Variants in GRIN2A observed in about 807,000 individuals in gnomAD.
GRIN2A encodes glutamate ionotropic receptor NMDA type subunit 2A.
A neutral mutation model predicts 113.4 loss-of-function variants in GRIN2A; 22 were observed. That is an observed-to-expected ratio of 0.19 (90% CI 0.14 to 0.28). The LOEUF is 0.28. Ranked by LOEUF, GRIN2A falls within the 10% of genes least tolerant of loss-of-function variation. GRIN2A has a pLI of 1.00. For synonymous variants in GRIN2A, 827 were observed against 738.4 expected, an observed-to-expected ratio of 1.12 and a Z score of -1.94; for missense variants, 1,502 against 1,887.0, an observed-to-expected ratio of 0.80 and a Z score of 3.78.
chr16:10,052,679 C>A (rs558892683), intron 2 of GRIN2A, among the ~76,000 whole-genome samples: 1 of 152,304 alleles, frequency 6.6e-6, no homozygotes, highest in South Asian at 2.1e-4. Flanking sequence ...AGGCAGGAAG[C>A]TTCAATCACT....
At chr16:10,147,128 C>G (rs1376799960) in intron 2 of GRIN2A, among the ~76,000 whole-genome samples, 2 of 152,032 alleles carry the variant, frequency 1.3e-5, no homozygotes, top group Non-Finnish European at 2.9e-5. Context: ...ATACTTATGG[C>G]ACCCCCTGTG....
At position 9,984,123 on chromosome 16, in the gene GRIN2A, T is replaced by C. The variant is rs570987469; in HGVS notation, c.415-45572A>G. Among the ~76,000 whole-genome samples, 10 of 152,372 alleles carry C rather than the reference T, an allele frequency of 6.6e-5. No individual in the cohort carries two copies. In the South Asian group the frequency reaches 1.9e-3, roughly 28 times the overall value. ...ATTATATCTCACTGTGGTTTCGATT[T>C]GCATTTTCCTCATGATTAGTGATGT... is the stretch of plus-strand genomic sequence containing the variant. On this transcript the variant is annotated intron_variant, in intron 2 of 12. Coordinates refer to ENST00000330684, the MANE Select transcript of GRIN2A (RefSeq NM_001134407.3).
At chr16:9,996,247 T>C (rs972755232) in intron 2 of GRIN2A, among the ~76,000 whole-genome samples, 10 of 152,020 alleles carry the variant, frequency 6.6e-5, no homozygotes, top group Non-Finnish European at 1.3e-4. Context: ...TCTCCAACAA[T>C]TACCCCAACC....
chr16:10,008,145 A>C (rs2046437966), intron 2 of GRIN2A, among the ~76,000 whole-genome samples: 2 of 152,060 alleles, frequency 1.3e-5, no homozygotes, highest in Non-Finnish European at 2.9e-5. Flanking sequence ...AAGGTATTGG[A>C]GATCTGTCCT....
At chr16:9,999,413 T>TA (rs2046283318) in intron 2 of GRIN2A, among the ~76,000 whole-genome samples, 1 of 152,158 alleles carries the variant, frequency 6.6e-6, no homozygotes, top group African/African-American at 2.4e-5. Flanking sequence ...TATGCAGCCA[T>TA]AAAAAAGGAT....
At chr16:9,873,929 C>G (rs79880296) in intron 4 of GRIN2A, among the ~76,000 whole-genome samples, 8 of 152,280 alleles carry the variant, frequency 5.3e-5, no homozygotes, top group East Asian at 1.9e-4. Flanking sequence ...AGGATTCTTC[C>G]GATTCAAATT....
rs141406777 is a variant in GRIN2A, at chr16:9,758,446, G to A, written c.*4703C>T. On this transcript the variant is annotated 3_prime_UTR_variant, in exon 13 of 13. Transcript: ENST00000330684. ...GCTCTGTCATCCTCCCTACAACTGA[G>A]ATTAAAAAAATATAGTGCCCTCTCT... 114 of 220,062 alleles carry A rather than the reference G, an allele frequency of 5.2e-4. No individual in the cohort carries two copies. In the East Asian group the frequency reaches 5.5e-3, roughly 11 times the overall value. The allele number at this position is 220,062 out of a possible 1,614,324, so 13.6% of individuals were successfully genotyped here. A position where few individuals can be genotyped will look rare whatever the true frequency, so the allele number is the denominator to read the frequency against.
chr16:9,810,919 T>A (rs2042074357), intron 10 of GRIN2A, among the ~76,000 whole-genome samples: 1 of 152,172 alleles, frequency 6.6e-6, no homozygotes, highest in African/African-American at 2.4e-5. Context: ...TGTCTGGGGT[T>A]GGCCCCGGGC....
chr16:10,059,171 G>C (rs1007519544), intron 2 of GRIN2A, among the ~76,000 whole-genome samples: 4 of 152,184 alleles, frequency 2.6e-5, no homozygotes, highest in Admixed American at 6.5e-5. Flanking sequence ...TGGAGCAGCT[G>C]CAGATGTGCT....
rs1131691913 is a variant in GRIN2A, at chr16:9,763,885, T to G, written c.3659A>C (p.Asn1220Thr). The change falls in exon 13 of 13, where the codon AAC becomes ACC. Residue 1220 changes from asparagine to threonine, a missense_variant. Physicochemically the swap from Asn to Thr is moderately conservative, Grantham distance 65. Transcript: ENST00000330684. ...GAAGTGGCCTGAATAGGTGGGCATGTTGGAAAGGCAGCTTCTGCAGTGCGT... is the reference window on the plus strand; with the variant it reads ...GAAGTGGCCTGAATAGGTGGGCATGGTGGAAAGGCAGCTTCTGCAGTGCGT... ...NSTHCRSCLSNMPTYSGHFTM... is the reference protein window; with the variant it reads ...NSTHCRSCLSTMPTYSGHFTM... The G allele has an allele frequency of 1.9e-6, 3 of 1,614,046 alleles. No homozygotes were observed. Among genetic ancestry groups the G allele is most frequent in the Non-Finnish European group, 2.5e-6 (3 of 1,180,000 alleles).
intron 4 of GRIN2A, among the ~76,000 whole-genome samples, chr16:9,854,124 G>A (rs2141379211): frequency 6.6e-6 from 1 of 152,240 alleles, no homozygotes; most frequent in South Asian, 2.1e-4. Context: ...TTTTGGTGGA[G>A]TGAATAAACA....
intron 2 of GRIN2A, among the ~76,000 whole-genome samples, chr16:10,042,350 T>C (rs2047179856): frequency 6.6e-6 from 1 of 152,044 alleles, no homozygotes; most frequent in African/African-American, 2.4e-5. Flanking sequence ...TCTGAGGAAG[T>C]TGGCTGCCAT....
intron 3 of GRIN2A, among the ~76,000 whole-genome samples, chr16:9,925,274 T>C (rs2044438859): frequency 6.6e-6 from 1 of 152,230 alleles, no homozygotes; most frequent in Non-Finnish European, 1.5e-5. Flanking sequence ...TTCTGTGTAC[T>C]CAACTCAGTG....
intron 4 of GRIN2A, among the ~76,000 whole-genome samples, chr16:9,890,397 TG>T (rs2043670295): frequency 6.6e-6 from 1 of 152,240 alleles, no homozygotes; most frequent in Admixed American, 6.5e-5. Flanking sequence ...GGTCATGACA[TG>T]TATGGTACAT....
At chr16:9,953,933 T>C (rs2045243332) in intron 2 of GRIN2A, among the ~76,000 whole-genome samples, 1 of 151,994 alleles carries the variant, frequency 6.6e-6, no homozygotes, top group African/African-American at 2.4e-5. Flanking sequence ...TTCCAACACT[T>C]TCCAACTGCC....
chr16:10,158,167 G>C, intron 2 of GRIN2A, among the ~76,000 whole-genome samples: 1 of 152,004 alleles, frequency 6.6e-6, no homozygotes. Context: ...AACACACCCG[G>C]CTAATTTTCA....
At chr16:10,124,340 C>G (rs896859760) in intron 2 of GRIN2A, among the ~76,000 whole-genome samples, 9 of 152,152 alleles carry the variant, frequency 5.9e-5, no homozygotes, top group African/African-American at 2.2e-4. Context: ...GATCAGGGAT[C>G]ATGTATGCAA....
chr16:9,763,556 T>G lies in GRIN2A; in HGVS notation c.3988A>C (p.Ser1330Arg). 6.2e-7 allele frequency: 1 copy of G among 1,614,008 alleles called. No individual in the cohort carries two copies. Among genetic ancestry groups the G allele is most frequent in the Non-Finnish European group, 8.5e-7 (1 of 1,179,986 alleles). Residue 1330 changes from serine (S) to arginine (R), a missense_variant, in exon 13 of 13, where the codon AGT becomes CGT. This residue lies in a region of GRIN2A where 832 missense variants were observed against 789.7 expected (regional missense o/e 1.05). Transcript: ENST00000330684. ...LEGNFYGSLF[S>R]VPSSKLSGKK... ...CCCGAGAGTTTGCTTGAGGGGACACTAAACAGGCTGCCGTAAAAATTTCCC... is the reference window on the plus strand; with the variant it reads ...CCCGAGAGTTTGCTTGAGGGGACACGAAACAGGCTGCCGTAAAAATTTCCC...
chr16:9,797,077 A>T (rs956535743), intron 11 of GRIN2A, among the ~76,000 whole-genome samples: 1 of 152,258 alleles, frequency 6.6e-6, no homozygotes, highest in Non-Finnish European at 1.5e-5. Context: ...TGTGCACTTC[A>T]TTCGAATTCA....
Sources: gnomAD v4.1 joint callset for allele counts (sites outside exome capture counted in the v4.1 genomes callset) on GRCh38, gnomAD v4.1.1 for gene constraint, gnomAD v4.1.1 regional missense constraint, MANE v1.5 for transcripts, NCBI Gene and HGNC (gene_info 2026-07-23, HGNC 2026-07-21) for gene names.